TNFSF4: variants seen among roughly 807,000 people sequenced by gnomAD.
TNFSF4 encodes tumor necrosis factor ligand superfamily member 4.
A neutral mutation model predicts 7.3 loss-of-function variants in TNFSF4; 4 were observed. That is an observed-to-expected ratio of 0.55 (90% CI 0.27 to 1.25). The LOEUF (loss-of-function observed/expected upper bound fraction) is 1.25. TNFSF4 is among the 50% of genes most tolerant of loss of function. TNFSF4 has a pLI of 0.12. For synonymous variants in TNFSF4, 76 were observed against 83.7 expected, an observed-to-expected ratio of 0.91 and a Z score of 0.50; for missense variants, 181 against 208.8, an observed-to-expected ratio of 0.87 and a Z score of 0.82.
downstream of TNFSF4, among the ~76,000 whole-genome samples, chr1:173,181,929 G>C (rs1210816632): frequency 6.6e-6 from 1 of 152,192 alleles, no homozygotes; most frequent in African/African-American, 2.4e-5. Flanking sequence ...ACTCCGTAAG[G>C]AAGGCTGCTG....
the TNFSF4 span, among the ~76,000 whole-genome samples, chr1:173,215,725 A>G: frequency 1.3e-5 from 2 of 152,236 alleles, no homozygotes; most frequent in Non-Finnish European, 2.9e-5. Flanking sequence ...AATCATCAAC[A>G]TCTTTATCCC....
the TNFSF4 span, among the ~76,000 whole-genome samples, chr1:173,305,860 C>T: frequency 6.6e-6 from 1 of 151,810 alleles, no homozygotes; most frequent in African/African-American, 2.4e-5. Flanking sequence ...ATGATCCAGT[C>T]ACCTCCTTCC....
chr1:173,441,632 A>AT, the TNFSF4 span, among the ~76,000 whole-genome samples: 1 of 152,206 alleles, frequency 6.6e-6, no homozygotes, highest in Non-Finnish European at 1.5e-5. Context: ...TCAAAAAAAA[A>AT]TTAAGTCCAA....
At chr1:173,201,781 G>A (rs982696400) in intron 1 of TNFSF4, among the ~76,000 whole-genome samples, 5 of 152,080 alleles carry the variant, frequency 3.3e-5, no homozygotes, top group Non-Finnish European at 5.9e-5. Flanking sequence ...AAAAGCATGG[G>A]TGATTACAAA....
chr1:173,407,999 T>C, the TNFSF4 span, among the ~76,000 whole-genome samples: 2,634 of 152,188 alleles, frequency 0.017, 70 homozygotes, highest in African/African-American at 0.061. Context: ...AGCCAGAAAG[T>C]TGGCAATCTG....
the TNFSF4 span, among the ~76,000 whole-genome samples, chr1:173,302,951 G>A: frequency 1.3e-5 from 2 of 151,808 alleles, no homozygotes; most frequent in African/African-American, 4.8e-5. Context: ...ATTTAAATGA[G>A]GGTCTGTATG....
chr1:173,443,295 T>C, the TNFSF4 span, among the ~76,000 whole-genome samples: 2 of 152,164 alleles, frequency 1.3e-5, no homozygotes, highest in Non-Finnish European at 1.5e-5. Flanking sequence ...ACATTATTAT[T>C]TTAATAATAA....
the TNFSF4 span, among the ~76,000 whole-genome samples, chr1:173,301,341 T>C: frequency 1.3e-5 from 1 of 79,912 alleles, no homozygotes; most frequent in Non-Finnish European, 2.7e-5. Context: ...GATTTTTAAG[T>C]AAAAAGTTCC....
chr1:173,186,586 T>A lies in TNFSF4; in HGVS notation c.482A>T (p.Asp161Val). The A allele has an allele frequency of 6.2e-7, 1 of 1,614,168 alleles. No homozygotes were observed. The highest frequency in any genetic ancestry group is 8.5e-7 in the Non-Finnish European group (1 of 1,180,006). ...TTCTCCGCCATTCACATGGAAGTCA[T>A]CCAGGGAGGTATTGTCAGTGGTCAC... ...LNVTTDNTSLDDFHVNGGELI... is the reference protein window; with the variant it reads ...LNVTTDNTSLVDFHVNGGELI... Residue 161 changes from aspartate to valine, a missense_variant, in exon 3 of 3, where the codon GAT (aspartate) becomes GTT (valine). Asp to Val is a radical substitution (Grantham distance 152). Transcript: ENST00000281834.
At chr1:173,226,256 T>G in the TNFSF4 span, among the ~76,000 whole-genome samples, 5 of 152,220 alleles carry the variant, frequency 3.3e-5, no homozygotes, top group Admixed American at 3.3e-4. Flanking sequence ...CTAGAGACAT[T>G]TCCCAGATTT....
the TNFSF4 span, among the ~76,000 whole-genome samples, chr1:173,283,728 G>GA: frequency 2.6e-5 from 4 of 151,962 alleles, no homozygotes; most frequent in Non-Finnish European, 4.4e-5. Context: ...CTGAGATGCT[G>GA]AAAAAATCAT....
At chr1:173,345,515 C>T in the TNFSF4 span, among the ~76,000 whole-genome samples, 1 of 152,150 alleles carries the variant, frequency 6.6e-6, no homozygotes, top group African/African-American at 2.4e-5. Context: ...AAATTATTAA[C>T]AGAAAATCCT....
chr1:173,245,639 A>G, the TNFSF4 span, among the ~76,000 whole-genome samples: 8 of 152,278 alleles, frequency 5.3e-5, no homozygotes, highest in South Asian at 1.7e-3. Context: ...GAAATATACA[A>G]TATTGTTAAC....
At chr1:173,316,684 G>A in the TNFSF4 span, among the ~76,000 whole-genome samples, 1 of 151,736 alleles carries the variant, frequency 6.6e-6, no homozygotes, top group East Asian at 1.9e-4. Context: ...TAAATTACTA[G>A]ACAAAAAAAT....
chr1:173,398,494 G>A, the TNFSF4 span, among the ~76,000 whole-genome samples: 9 of 145,504 alleles, frequency 6.2e-5, no homozygotes, highest in South Asian at 2.2e-4. Context: ...GCGTGATCTC[G>A]GCTTACTGCA....
chr1:173,362,920 C>G, the TNFSF4 span: 1 of 466,014 alleles, frequency 2.1e-6, no homozygotes, highest in Non-Finnish European at 4.3e-6. Context: ...CTATAATGTA[C>G]TCGTGCACCA....
At chr1:173,230,049 C>G in the TNFSF4 span, among the ~76,000 whole-genome samples, 2 of 152,250 alleles carry the variant, frequency 1.3e-5, no homozygotes, top group African/African-American at 4.8e-5. Context: ...ACAAGGATAT[C>G]CACGAATTGA....
chr1:173,401,764 T>C, the TNFSF4 span, among the ~76,000 whole-genome samples: 5 of 151,976 alleles, frequency 3.3e-5, no homozygotes, highest in Admixed American at 1.3e-4. Flanking sequence ...CACACACCCA[T>C]ATACATACAT....
the TNFSF4 span, among the ~76,000 whole-genome samples, chr1:173,337,166 G>T: frequency 6.6e-6 from 1 of 152,116 alleles, no homozygotes; most frequent in East Asian, 1.9e-4. Flanking sequence ...GTATTGCAGT[G>T]CAGGCCCCTA....
Sources: gnomAD v4.1 joint callset for allele counts (sites outside exome capture counted in the v4.1 genomes callset) on GRCh38, gnomAD v4.1.1 for gene constraint, MANE v1.5 for transcripts, NCBI Gene and HGNC (gene_info 2026-07-23, HGNC 2026-07-21) for gene names.